Variants in MYZAP observed in about 807,000 individuals in gnomAD.
The protein encoded by MYZAP is GRINL1A complex locus upstream.
Under a neutral mutation model 69.4 loss-of-function variants are expected in MYZAP, and 66 were observed. The observed-to-expected ratio is 0.95, with a 90% confidence interval of 0.78 to 1.17. The LOEUF is 1.17. MYZAP is among the 50% of genes most tolerant of loss of function. The pLI is 0.00. For synonymous variants in MYZAP, 256 were observed against 205.9 expected (o/e 1.24, Z -2.09); for missense variants, 611 against 556.2 (o/e 1.10, Z -0.99).
intron 1 of MYZAP, 104 bp from the exon 2 acceptor site, chr15:57,604,165 C>T (rs1367817789): frequency 1.2e-5 from 14 of 1,207,104 alleles, no homozygotes; most frequent in East Asian, 2.3e-5. Context: ...ACAGTGTTCC[C>T]CAATGGAAGT....
chr15:57,660,275 G>A lies in MYZAP; in HGVS notation c.1120-1175G>A, dbSNP rs182915620. Among the ~76,000 whole-genome samples the A allele has an allele frequency of 2.3e-3, 347 of 152,162 alleles. 1 individual carries two copies. Among genetic ancestry groups the A allele is most frequent in the Non-Finnish European group, 3.4e-3 (228 of 68,012 alleles). On this transcript the variant is annotated intron_variant, in intron 10 of 12. Transcript: ENST00000267853. ...ACTTTTTCTAGATACTGCTATATTCGCTTCCATAGGAATAGTGTCATTTTG... is the reference window on the plus strand; with the variant it reads ...ACTTTTTCTAGATACTGCTATATTCACTTCCATAGGAATAGTGTCATTTTG...
intron 11 of MYZAP, among the ~76,000 whole-genome samples, chr15:57,663,109 T>A (rs1286298471): frequency 6.6e-6 from 1 of 152,176 alleles, no homozygotes; most frequent in South Asian, 2.1e-4. Context: ...AGAAAATGAG[T>A]GCCCTAGTGG....
chr15:57,665,029 A>G (rs1834488), intron 11 of MYZAP, among the ~76,000 whole-genome samples: 104,067 of 152,162 alleles, frequency 0.68, 35,773 homozygotes, highest in East Asian at 0.87. Context: ...GGACTCTTTT[A>G]TTGTCATTGA....
chr15:57,592,221 C>T (rs2033722192), intron 1 of MYZAP, 112 bp downstream of exon 1: 8 of 1,001,584 alleles, frequency 8.0e-6, no homozygotes, highest in Non-Finnish European at 1.0e-5. Flanking sequence ...CCCCGACGCC[C>T]CACCCTGGGC....
intron 10 of MYZAP, among the ~76,000 whole-genome samples, chr15:57,657,021 C>T (rs2038043993): frequency 6.6e-6 from 1 of 152,150 alleles, no homozygotes; most frequent in Non-Finnish European, 1.5e-5. Flanking sequence ...CTATAGCACT[C>T]TCTCTAGGTG....
At chr15:57,598,913 C>A (rs550770049) in intron 1 of MYZAP, among the ~76,000 whole-genome samples, 1 of 152,302 alleles carries the variant, frequency 6.6e-6, no homozygotes, top group South Asian at 2.1e-4. Flanking sequence ...TCCTTCTATA[C>A]CCAGCTTAAA....
At chr15:57,596,706 C>T (rs927192409) in intron 1 of MYZAP, among the ~76,000 whole-genome samples, 2 of 152,210 alleles carry the variant, frequency 1.3e-5, no homozygotes, top group Non-Finnish European at 2.9e-5. Context: ...TGGTTTGGCC[C>T]GTGCCTGTGC....
intron 2 of MYZAP, among the ~76,000 whole-genome samples, chr15:57,605,579 A>C (rs561041265): frequency 6.6e-6 from 1 of 152,170 alleles, no homozygotes; most frequent in Non-Finnish European, 1.5e-5. Flanking sequence ...ACTTTCTACC[A>C]AGGACAGAGA....
intron 11 of MYZAP, among the ~76,000 whole-genome samples, chr15:57,665,485 C>T (rs777179171): frequency 2.0e-4 from 31 of 152,242 alleles, no homozygotes; most frequent in Non-Finnish European, 4.3e-4. Context: ...GCCTGTGCTC[C>T]TCTTAGCCAC....
intron 12 of MYZAP, among the ~76,000 whole-genome samples, chr15:57,678,041 CAAAA>C (rs56102709): frequency 0.69 from 80,655 of 116,406 alleles, 28,093 homozygotes; most frequent in East Asian, 0.9. Context: ...TTATCTCTAC[CAAAA>C]AAAAAAAAAA....
intron 12 of MYZAP, 101 bp from the exon 13 acceptor site, chr15:57,684,301 A>AT: frequency 1.3e-6 from 1 of 753,898 alleles, no homozygotes; most frequent in South Asian, 1.5e-5. Context: ...TTTTATTTTT[A>AT]AACACTTAAA....
chr15:57,650,130 C>A, intron 10 of MYZAP, among the ~76,000 whole-genome samples: 1 of 152,170 alleles, frequency 6.6e-6, no homozygotes, highest in East Asian at 1.9e-4. Context: ...TCACGGAAAG[C>A]TTGTTTCTCT....
At chr15:57,616,821 G>GTTTTTTTTTTTTT (rs1595870389) in intron 2 of MYZAP, among the ~76,000 whole-genome samples, 1 of 53,316 alleles carries the variant, frequency 1.9e-5, no homozygotes, top group Non-Finnish European at 3.4e-5. Flanking sequence ...AAAAAAAAGT[G>GTTTTTTTTTTTTT]CTTTTTTTTT....
intron 9 of MYZAP, 41 bp downstream of exon 9, chr15:57,637,815 G>T (rs753713845): frequency 1.1e-5 from 18 of 1,570,436 alleles, no homozygotes; most frequent in East Asian, 9.2e-5. Context: ...GATTTAGGTT[G>T]TGGACACGCT....
chr15:57,598,847 G>T (rs1437102583), intron 1 of MYZAP, among the ~76,000 whole-genome samples: 1 of 152,172 alleles, frequency 6.6e-6, no homozygotes, highest in Non-Finnish European at 1.5e-5. Flanking sequence ...ATAGCTGTCT[G>T]CTGTTGTTAT....
At chr15:57,683,771 GGAT>G (rs2039552923) in intron 12 of MYZAP, among the ~76,000 whole-genome samples, 2 of 151,994 alleles carry the variant, frequency 1.3e-5, no homozygotes, top group Admixed American at 1.3e-4. Context: ...ATAGCAGAAG[GGAT>G]GATGATGAAT....
chr15:57,614,644 C>T (rs1436429523), intron 2 of MYZAP, among the ~76,000 whole-genome samples: 2 of 152,174 alleles, frequency 1.3e-5, no homozygotes, highest in African/African-American at 4.8e-5. Context: ...GAAAGAGCCC[C>T]CCATCCTGGG....
chr15:57,630,492 G>T (rs1251532405), intron 6 of MYZAP, among the ~76,000 whole-genome samples: 3 of 152,160 alleles, frequency 2.0e-5, no homozygotes, highest in African/African-American at 7.2e-5. Context: ...TGACAATAAA[G>T]AGCTGAGGGG....
At chr15:57,632,392 G>A (rs771097326) in intron 6 of MYZAP, 42 bp from the exon 7 acceptor site, 11 of 1,612,950 alleles carry the variant, frequency 6.8e-6, no homozygotes, top group Non-Finnish European at 8.5e-7. Context: ...AATTCCTCTG[G>A]GCCCTGCAAA....
Sources: allele counts gnomAD v4.1 joint callset (sites outside exome capture counted in the v4.1 genomes callset), GRCh38; gene constraint gnomAD v4.1.1; transcripts MANE v1.5; gene names NCBI Gene and HGNC (gene_info 2026-07-23, HGNC 2026-07-21).